PXK: variants seen among roughly 807,000 people sequenced by gnomAD.
The protein encoded by PXK is PX domain-containing protein kinase-like protein.
Under a neutral mutation model 84.7 loss-of-function variants are expected in PXK, and 35 were observed. The observed-to-expected ratio is 0.41, with a 90% CI of 0.32 to 0.55. The LOEUF (loss-of-function observed/expected upper bound fraction) is 0.55. Ranked by LOEUF, PXK falls within the 20% of genes least tolerant of loss-of-function variation. PXK has a pLI of 0.21. For missense variants in PXK, 634 were observed against 699.7 expected, an observed-to-expected ratio of 0.91 and a Z score of 1.06; for synonymous variants, 253 against 260.8, an observed-to-expected ratio of 0.97 and a Z score of 0.29.
Position 58,421,134 on chromosome 3 carries a change from G to T in PXK, c.1529-3618G>T. ...CGAGAGCTGGGGGCTTGCCTGCTTC[G>T]GTTCTCTCCTGAGGGTGGCTGGTAA... is the stretch of plus-strand genomic sequence containing the variant. On this transcript the variant is annotated intron_variant, in intron 17 of 17. Coordinates refer to ENST00000356151, the MANE Select transcript of PXK (RefSeq NM_017771.5). This position sits in a 1 kb window ranked among gnomAD's most constrained non-coding sequence, Gnocchi z 5.5. The T allele has an allele frequency of 1.0e-6, 1 of 985,402 alleles. No homozygotes were observed. The highest frequency in any genetic ancestry group is 1.2e-6 in the Non-Finnish European group (1 of 829,928). 61.0% of individuals were successfully genotyped at this position (985,402 alleles called of 1,614,324 possible).
At position 58,333,041 on chromosome 3, in the gene PXK, T is replaced by A; in HGVS notation, c.53T>A (p.Val18Glu). 7.4e-7 allele frequency: 1 copy of A among 1,348,626 alleles called. No homozygotes were observed. The highest frequency in any genetic ancestry group is 9.7e-7 in the Non-Finnish European group (1 of 1,036,098). The allele number at this position is 1,348,626 out of a possible 1,614,324, so 83.5% of individuals were successfully genotyped here. Residue 18 changes from valine to glutamate, a missense_variant, in exon 1 of 18, where the codon GTG becomes GAG. Val to Glu is a moderately radical substitution (Grantham distance 121). This residue lies in a region of PXK where 353 missense variants were observed against 385.2 expected (regional missense o/e 0.92). Coordinates refer to ENST00000356151, the MANE Select transcript of PXK (RefSeq NM_017771.5). The surrounding 1 kb of genome is among the most constrained non-coding windows in gnomAD (Gnocchi z 5.4). ...GGCAAGGTGCTGCTGGACGACACGG[T>A]GCCGCTGACAGCAGCCATCGAGGCG... ...PAGKVLLDDT[V>E]PLTAAIEASQ... is the part of the protein sequence containing the mutation.
At chr3:58,340,866 T>G (rs1431977280) in intron 1 of PXK, among the ~76,000 whole-genome samples, 1 of 152,196 alleles carries the variant, frequency 6.6e-6, no homozygotes, top group Non-Finnish European at 1.5e-5. Flanking sequence ...GAATCTCCTT[T>G]ATGTTCCAGC....
chr3:58,396,996 A>C (rs1390212194), intron 9 of PXK, 43 bp from the exon 10 acceptor site: 12 of 1,572,650 alleles, frequency 7.6e-6, no homozygotes, highest in South Asian at 1.1e-5. Context: ...CTTATATCTG[A>C]ATGAGTTTGG....
chr3:58,381,365 CATCTCTAG>C (rs2098500880), intron 3 of PXK, among the ~76,000 whole-genome samples: 1 of 150,920 alleles, frequency 6.6e-6, no homozygotes, highest in Non-Finnish European at 1.5e-5. Context: ...AAAGCAAAAA[CATCTCTAG>C]GATAAGGATG....
At position 58,385,274 on chromosome 3, in the gene PXK, T is replaced by C. The variant is rs2098541931; in HGVS notation, c.388+2574T>C. On this transcript the variant is annotated intron_variant, in intron 4 of 17. Coordinates refer to ENST00000356151, the MANE Select transcript of PXK (RefSeq NM_017771.5). This position sits in a 1 kb window ranked among gnomAD's most constrained non-coding sequence, Gnocchi z 5.1. ...CACAATCCCGGAATTAAACAATAGG[T>C]GATGGATGCTGTTTTCAGAGAGATG... is the stretch of plus-strand genomic sequence containing the variant. 1.3e-5 allele frequency among the ~76,000 whole-genome samples: 2 copies of C among 152,140 alleles called. No individual in the cohort carries two copies. Among genetic ancestry groups the C allele is most frequent in the Non-Finnish European group, 2.9e-5 (2 of 68,032 alleles).
chr3:58,395,351 A>G (rs2057481687), intron 8 of PXK, among the ~76,000 whole-genome samples: 1 of 152,226 alleles, frequency 6.6e-6, no homozygotes, highest in African/African-American at 2.4e-5. Flanking sequence ...CTGTTCTCTT[A>G]GGTCAGTTTT....
At chr3:58,352,702 A>T (rs1311530488) in intron 1 of PXK, among the ~76,000 whole-genome samples, 3 of 152,184 alleles carry the variant, frequency 2.0e-5, no homozygotes. Context: ...TGGCTATTTA[A>T]AAAGCTGTAT....
chr3:58,386,775 G>A (rs1191536822), intron 4 of PXK, among the ~76,000 whole-genome samples: 1 of 152,182 alleles, frequency 6.6e-6, no homozygotes, highest in Non-Finnish European at 1.5e-5. Flanking sequence ...GTCATTAGCA[G>A]CATTTCCTCT....
chr3:58,403,755 C>A, intron 12 of PXK, 107 bp from the exon 13 acceptor site: 1 of 510,306 alleles, frequency 2.0e-6, no homozygotes, highest in Non-Finnish European at 3.3e-6. Context: ...GGATGTGGTG[C>A]AGGGAAGGGA....
intron 4 of PXK, among the ~76,000 whole-genome samples, chr3:58,389,609 G>A (rs1273993447): frequency 1.3e-5 from 2 of 151,872 alleles, no homozygotes; most frequent in African/African-American, 4.8e-5. Flanking sequence ...GATCTCTTGA[G>A]CCAAGAGTTT....
intron 1 of PXK, among the ~76,000 whole-genome samples, chr3:58,358,421 C>T (rs1166919325): frequency 1.3e-5 from 2 of 152,170 alleles, no homozygotes; most frequent in East Asian, 1.9e-4. Flanking sequence ...AGTAACTAAG[C>T]GCACCCTGTA....
chr3:58,395,647 C>G lies in PXK; in HGVS notation c.721-11C>G. 6.3e-7 allele frequency: 1 copy of G among 1,598,240 alleles called. No individual in the cohort carries two copies. The highest frequency in any genetic ancestry group is 8.6e-7 in the Non-Finnish European group (1 of 1,166,876). On this transcript the variant is annotated splice_polypyrimidine_tract_variant and intron_variant, in intron 8 of 17. Transcript: ENST00000356151. ...GCTGCTTTCTTACGTGTTCTTTGTT[C>G]TTTTCCAAAGGCAAAACCAAAAGAC...
intron 4 of PXK, among the ~76,000 whole-genome samples, chr3:58,384,128 G>A (rs1359564130): frequency 6.6e-6 from 1 of 152,216 alleles, no homozygotes; most frequent in Admixed American, 6.5e-5. Flanking sequence ...CCAATATGGA[G>A]CCAAGTTTGA....
At chr3:58,366,380 G>A (rs1258033562) in intron 2 of PXK, among the ~76,000 whole-genome samples, 1 of 152,088 alleles carries the variant, frequency 6.6e-6, no homozygotes, top group Admixed American at 6.6e-5. Flanking sequence ...TTGTCTCTAG[G>A]GGAGGGTCTT....
At position 58,397,760 on chromosome 3, in the gene PXK, T is replaced by G; in HGVS notation, c.1102+38T>G. 6.6e-7 allele frequency: 1 copy of G among 1,510,754 alleles called. No individual in the cohort carries two copies. Among genetic ancestry groups the G allele is most frequent in the South Asian group, 1.1e-5 (1 of 88,928 alleles). 93.6% of individuals were successfully genotyped at this position (1,510,754 alleles called of 1,614,324 possible). ...TTGGGAAGGGTCTTCTGGGCCCTAG[T>G]AGTGTGCAGAGCCACTCATCCCCTT... is the stretch of plus-strand genomic sequence containing the variant. On this transcript the variant is annotated intron_variant, in intron 11 of 17. Transcript: ENST00000356151. The surrounding 1 kb of genome is among the most constrained non-coding windows in gnomAD (Gnocchi z 4.7).
chr3:58,397,513 G>T lies in PXK; in HGVS notation c.985-92G>T. On this transcript the variant is annotated intron_variant, in intron 10 of 17. Transcript: ENST00000356151. The surrounding 1 kb of genome is among the most constrained non-coding windows in gnomAD (Gnocchi z 4.7). ...CAATTAGGAACGGGGCTATCCCTGG[G>T]CTTTGTTTCTCAGAGAAGCCTTGGG... The T allele has an allele frequency of 9.0e-7, 1 of 1,107,106 alleles. No homozygotes were observed. Among genetic ancestry groups the T allele is most frequent in the Non-Finnish European group, 1.4e-6 (1 of 725,464 alleles). The allele number at this position is 1,107,106 out of a possible 1,614,324, so 68.6% of individuals were successfully genotyped here.
At chr3:58,367,597 C>T (rs763793810) in intron 2 of PXK, among the ~76,000 whole-genome samples, 14 of 152,024 alleles carry the variant, frequency 9.2e-5, no homozygotes, top group South Asian at 4.1e-4. Flanking sequence ...CCCAAAGACC[C>T]GGGGAAAACT....
chr3:58,404,344 C>T (rs970095969), intron 13 of PXK, among the ~76,000 whole-genome samples: 7 of 152,094 alleles, frequency 4.6e-5, no homozygotes, highest in Non-Finnish European at 8.8e-5. Flanking sequence ...TTTTCAACCA[C>T]GGTATTTGAC....
rs2098477055 is a variant in PXK at position 58,379,418 on chromosome 3, C to CT, written c.202-3095dup. ...TCTCTGCTTTTTCTAAATTTCACTA[C>CT]TCACATCCCACAACATTATCTTCCC... On this transcript the variant is annotated intron_variant, in intron 3 of 17. Transcript: ENST00000356151. The surrounding 1 kb of genome is among the most constrained non-coding windows in gnomAD (Gnocchi z 5.1). The CT allele has an allele frequency of 6.5e-6, 1 of 154,430 alleles. No individual in the cohort carries two copies. The highest frequency in any genetic ancestry group is 6.6e-5 in the Admixed American group (1 of 15,258). The allele number at this position is 154,430 out of a possible 1,614,324, so 9.6% of individuals were successfully genotyped here. A position where few individuals can be genotyped will look rare whatever the true frequency, so the allele number is the denominator to read the frequency against.
Sources: gnomAD v4.1 joint callset for allele counts (sites outside exome capture counted in the v4.1 genomes callset) on GRCh38, gnomAD v4.1.1 for gene constraint, gnomAD v4.1.1 regional missense constraint, Gnocchi (gnomAD v3.1) non-coding constraint, MANE v1.5 for transcripts, NCBI Gene and HGNC (gene_info 2026-07-23, HGNC 2026-07-21) for gene names.